XKR3: variants seen among roughly 807,000 people sequenced by gnomAD.
XKR3 encodes XK related 3.
In XKR3, 27 loss-of-function variants were observed where a neutral mutation model predicts 40.3. That is an observed-to-expected ratio of 0.67 (90% confidence interval 0.49 to 0.92). The LOEUF is 0.92. XKR3 is among the 40% of genes least tolerant of loss of function. XKR3 has a pLI of 0.00. For synonymous variants in XKR3, 193 were observed against 195.4 expected (o/e 0.99, Z 0.10); for missense variants, 472 against 537.6 (o/e 0.88, Z 1.21).
intron 3 of XKR3, among the ~76,000 whole-genome samples, chr22:16,792,023 C>A (rs2060122123): frequency 6.6e-6 from 1 of 151,926 alleles, no homozygotes; most frequent in Non-Finnish European, 1.5e-5. Context: ...CTCATTGCAT[C>A]CTCCGTCTGC....
intron 1 of XKR3, among the ~76,000 whole-genome samples, chr22:16,817,263 T>C (rs1223868665): frequency 6.6e-6 from 1 of 152,100 alleles, no homozygotes; most frequent in Non-Finnish European, 1.5e-5. Flanking sequence ...AACCTACTTA[T>C]TATGAAGAAT....
At position 16,784,101 on chromosome 22, in the gene XKR3, T is replaced by C; in HGVS notation, c.898A>G (p.Met300Val). Residue 300 changes from methionine (M) to valine (V), a missense_variant, in exon 4 of 4, where the codon ATG becomes GTG. By Grantham distance (21) the Met-to-Val change is conservative. Coordinates refer to ENST00000684488, the MANE Select transcript of XKR3 (RefSeq NM_001386955.1). ...LPGNKENNSNMVGTVLMLFLI... is the reference protein window; with the variant it reads ...LPGNKENNSNVVGTVLMLFLI... The stretch of plus-strand genomic sequence containing the variant: ...AAAAGCATCAGTACTGTACCCACCA[T>C]ATTGGAATTATTTTCTTTGTTGCCA... 3.1e-6 allele frequency: 5 copies of C among 1,614,180 alleles called. No individual in the cohort carries two copies. The highest frequency in any genetic ancestry group is 2.2e-5 in the South Asian group (2 of 91,084).
chr22:16,820,640 A>G (rs200400501), intron 1 of XKR3, among the ~76,000 whole-genome samples: 1 of 24,882 alleles, frequency 4.0e-5, no homozygotes, highest in Non-Finnish European at 8.6e-5. Flanking sequence ...GTTGACATAC[A>G]TAGTCTCCAT....
At chr22:16,790,792 C>T (rs1452671117) in intron 3 of XKR3, among the ~76,000 whole-genome samples, 1 of 151,564 alleles carries the variant, frequency 6.6e-6, no homozygotes, top group Non-Finnish European at 1.5e-5. Context: ...TCTCAAAAGG[C>T]ATTTTTCAAA....
At chr22:16,811,163 G>A (rs552476448) in intron 1 of XKR3, among the ~76,000 whole-genome samples, 1 of 130,100 alleles carries the variant, frequency 7.7e-6, no homozygotes, top group African/African-American at 2.9e-5. Context: ...GTCTTGCTCT[G>A]TTGCTCAGGC....
intron 2 of XKR3, among the ~76,000 whole-genome samples, chr22:16,801,881 C>T (rs2060170866): frequency 6.6e-6 from 1 of 152,128 alleles, no homozygotes; most frequent in South Asian, 2.1e-4. Context: ...ACAAATCCAG[C>T]ACAAATCTGA....
At chr22:16,802,862 C>T (rs2060174967) in intron 2 of XKR3, among the ~76,000 whole-genome samples, 1 of 152,142 alleles carries the variant, frequency 6.6e-6, no homozygotes. Context: ...CAAGGTTTTT[C>T]CTTCATCCTT....
At chr22:16,823,685 A>G (rs1186081054) in intron 1 of XKR3, among the ~76,000 whole-genome samples, 1 of 152,232 alleles carries the variant, frequency 6.6e-6, no homozygotes, top group Admixed American at 6.5e-5. Flanking sequence ...CAGAAAATAC[A>G]AATTACCAAA....
At chr22:16,822,328 G>A (rs1325355019) in intron 1 of XKR3, among the ~76,000 whole-genome samples, 1 of 151,604 alleles carries the variant, frequency 6.6e-6, no homozygotes, top group Non-Finnish European at 1.5e-5. Context: ...AAACCTCAAA[G>A]CAAGAACTAA....
chr22:16,791,534 T>C (rs2060115686), intron 3 of XKR3, among the ~76,000 whole-genome samples: 1 of 149,852 alleles, frequency 6.7e-6, no homozygotes, highest in Non-Finnish European at 1.5e-5. Flanking sequence ...TATTAATTGC[T>C]CTTACCAAAA....
At chr22:16,790,352 A>T (rs2060109846) in intron 3 of XKR3, among the ~76,000 whole-genome samples, 1 of 152,080 alleles carries the variant, frequency 6.6e-6, no homozygotes, top group African/African-American at 2.4e-5. Flanking sequence ...GAAAAAAAAA[A>T]AAAAAATCAG....
intron 1 of XKR3, among the ~76,000 whole-genome samples, chr22:16,814,226 C>T (rs2060224223): frequency 6.6e-6 from 1 of 152,062 alleles, no homozygotes; most frequent in Admixed American, 6.6e-5. Flanking sequence ...AGACAGGGTT[C>T]CAACTTCACA....
chr22:16,798,353 A>G (rs1183919999), intron 3 of XKR3, among the ~76,000 whole-genome samples: 1 of 152,196 alleles, frequency 6.6e-6, no homozygotes, highest in Admixed American at 6.5e-5. Context: ...AGAAAGGGGA[A>G]TGCTTACACA....
In XKR3 at chr22:16,787,012, A is replaced by G. The variant is rs9606462; in HGVS notation, c.590-2603T>C. The stretch of plus-strand genomic sequence containing the variant: ...TAGTGGACTTAAGGAAAACACAAAC[A>G]ATTCAGAAATTTATCAGAGAACCTT... On this transcript the variant is annotated intron_variant, in intron 3 of 3. Coordinates refer to ENST00000684488, the MANE Select transcript of XKR3 (RefSeq NM_001386955.1). 6.2e-3 allele frequency among the ~76,000 whole-genome samples: 942 copies of G among 152,286 alleles called. 5 individuals carry two copies. The highest frequency in any genetic ancestry group is 0.022 in the South Asian group (105 of 4,824).
chr22:16,800,885 T>G (rs2060165900), intron 2 of XKR3, among the ~76,000 whole-genome samples: 1 of 152,082 alleles, frequency 6.6e-6, no homozygotes, highest in Non-Finnish European at 1.5e-5. Flanking sequence ...AAATAATGCT[T>G]CTCAATGATG....
intron 1 of XKR3, among the ~76,000 whole-genome samples, chr22:16,809,348 AT>A (rs1164475376): frequency 6.6e-6 from 1 of 152,050 alleles, no homozygotes; most frequent in East Asian, 1.9e-4. Context: ...TGTGTAATTT[AT>A]TTTATTCTCC....
At chr22:16,812,669 C>T (rs147152541) in intron 1 of XKR3, among the ~76,000 whole-genome samples, 34 of 151,782 alleles carry the variant, frequency 2.2e-4, no homozygotes, top group African/African-American at 8.0e-4. Flanking sequence ...AGTGTGAATC[C>T]GTCTAAAAAA....
intron 3 of XKR3, among the ~76,000 whole-genome samples, chr22:16,793,764 TA>T (rs1402191420): frequency 6.6e-6 from 1 of 152,212 alleles, no homozygotes; most frequent in Non-Finnish European, 1.5e-5. Context: ...TGCAAGTTAC[TA>T]AAATTTCAAA....
At chr22:16,790,307 A>G (rs2060109016) in intron 3 of XKR3, among the ~76,000 whole-genome samples, 1 of 149,464 alleles carries the variant, frequency 6.7e-6, no homozygotes, top group Non-Finnish European at 1.5e-5. Flanking sequence ...CCAACAGACA[A>G]ATGAGGTTTC....
Sources: allele counts gnomAD v4.1 joint callset (sites outside exome capture counted in the v4.1 genomes callset), GRCh38; gene constraint gnomAD v4.1.1; transcripts MANE v1.5; gene names NCBI Gene and HGNC (gene_info 2026-07-23, HGNC 2026-07-21).